The following COG3 variants were observed in gnomAD, a reference collection of about 807,000 sequenced individuals.
The protein encoded by COG3 is conserved oligomeric Golgi complex subunit 3.
COG3 carries 32 observed loss-of-function variants against 114.1 expected under a neutral mutation model. The observed-to-expected ratio is 0.28, with a 90% CI of 0.21 to 0.38. The LOEUF (loss-of-function observed/expected upper bound fraction) is 0.38. Among genes scored for constraint, COG3 ranks in the 10% least tolerant of loss-of-function variants. COG3 has a pLI of 1.00. For synonymous variants in COG3, 352 were observed against 365.7 expected (o/e 0.96, Z 0.43); for missense variants, 813 against 973.2 (o/e 0.84, Z 2.19).
chr13:45,468,928 T>A (rs1043615450), intron 1 of COG3, among the ~76,000 whole-genome samples: 6 of 152,226 alleles, frequency 3.9e-5, no homozygotes, highest in African/African-American at 1.4e-4. Context: ...TTTTGACTTG[T>A]CATTCTATAC....
At chr13:45,532,202 G>A (rs536441478) in intron 22 of COG3, 42 of 152,114 alleles carry the variant, frequency 2.8e-4, no homozygotes, top group African/African-American at 9.4e-4. Flanking sequence ...TTTTATGGCT[G>A]TATATATTCC....
At position 45,487,695 on chromosome 13, in the gene COG3, C is replaced by T. The variant is rs145632389; in HGVS notation, c.924+1120C>T. On this transcript the variant is annotated intron_variant, in intron 8 of 22. Coordinates refer to ENST00000349995, the MANE Select transcript of COG3 (RefSeq NM_031431.4). The stretch of plus-strand genomic sequence containing the variant: ...TCAAAACCACAGTGAGATGTCATCT[C>T]ACCCCAGTTAGAATGGCTGTTATCA... Among the ~76,000 whole-genome samples the T allele has an allele frequency of 8.9e-3, 1,359 of 152,312 alleles. 23 individuals carry two copies. Among genetic ancestry groups the T allele is most frequent in the African/African-American group, 0.031 (1,284 of 41,566 alleles).
At chr13:45,514,127 C>T (rs1871267466) in intron 16 of COG3, among the ~76,000 whole-genome samples, 1 of 143,976 alleles carries the variant, frequency 6.9e-6, no homozygotes, top group South Asian at 2.2e-4. Context: ...AGTTCATAGG[C>T]TTATGTCCTC....
intron 2 of COG3, among the ~76,000 whole-genome samples, chr13:45,478,672 A>G (rs989837845): frequency 4.0e-5 from 6 of 151,782 alleles, no homozygotes; most frequent in Non-Finnish European, 7.4e-5. Flanking sequence ...TATTTTTAGT[A>G]GAGACGGGGT....
At chr13:45,511,917 C>T in intron 16 of COG3, 63 bp downstream of exon 16, 1 of 1,256,662 alleles carries the variant, frequency 8.0e-7, no homozygotes, top group Non-Finnish European at 1.2e-6. Flanking sequence ...ATAGCATTTA[C>T]TTATAGGCAC....
intron 7 of COG3, among the ~76,000 whole-genome samples, chr13:45,486,085 G>T (rs1317519966): frequency 7.8e-6 from 1 of 127,752 alleles, no homozygotes; most frequent in Non-Finnish European, 1.6e-5. Flanking sequence ...CGAGGTTGGC[G>T]GATCACTCGC....
chr13:45,507,294 T>G (rs1377036551), intron 14 of COG3, among the ~76,000 whole-genome samples: 1 of 152,262 alleles, frequency 6.6e-6, no homozygotes, highest in Non-Finnish European at 1.5e-5. Flanking sequence ...TTCTTTGATG[T>G]AATTTGTTTA....
intron 1 of COG3, among the ~76,000 whole-genome samples, chr13:45,466,265 C>T (rs551107322): frequency 6.6e-6 from 1 of 152,282 alleles, no homozygotes; most frequent in Admixed American, 6.5e-5. Flanking sequence ...TCTCGAACTC[C>T]TGACCTCAAG....
At chr13:45,492,994 A>G (rs1015544197) in intron 11 of COG3, among the ~76,000 whole-genome samples, 1 of 152,198 alleles carries the variant, frequency 6.6e-6, no homozygotes, top group African/African-American at 2.4e-5. Flanking sequence ...ATTGATAGTG[A>G]AGTAGAATAT....
intron 13 of COG3, among the ~76,000 whole-genome samples, chr13:45,498,300 A>G (rs942202373): frequency 1.3e-5 from 2 of 151,296 alleles, no homozygotes; most frequent in African/African-American, 4.8e-5. Context: ...CATTAATTCA[A>G]TAATATTATT....
chr13:45,486,604 G>C, intron 8 of COG3, 29 bp downstream of exon 8: 1 of 1,372,598 alleles, frequency 7.3e-7, no homozygotes, highest in Non-Finnish European at 1.0e-6. Context: ...CTAGGACATT[G>C]CTATGAAATT....
intron 1 of COG3, among the ~76,000 whole-genome samples, chr13:45,468,181 T>C (rs1885263318): frequency 1.3e-5 from 2 of 152,244 alleles, no homozygotes; most frequent in South Asian, 4.1e-4. Flanking sequence ...GTTACAGCTG[T>C]TGTTTTCTTG....
At chr13:45,494,358 AATT>A (rs1868480703) in intron 12 of COG3, among the ~76,000 whole-genome samples, 1 of 151,484 alleles carries the variant, frequency 6.6e-6, no homozygotes. Flanking sequence ...CCTTTCAAGT[AATT>A]ATTCTACTCA....
At chr13:45,498,262 G>A (rs1415358752) in intron 13 of COG3, among the ~76,000 whole-genome samples, 3 of 150,176 alleles carry the variant, frequency 2.0e-5, no homozygotes, top group Admixed American at 1.3e-4. Context: ...TATAACCACA[G>A]TATCATTTTT....
chr13:45,521,897 G>A (rs1872194717), intron 19 of COG3, among the ~76,000 whole-genome samples: 1 of 150,848 alleles, frequency 6.6e-6, no homozygotes, highest in Admixed American at 6.6e-5. Flanking sequence ...CTGCCTCCCG[G>A]GTCCAAGCAA....
At chr13:45,513,191 A>G (rs894491828) in intron 16 of COG3, among the ~76,000 whole-genome samples, 7 of 111,196 alleles carry the variant, frequency 6.3e-5, no homozygotes, top group African/African-American at 2.0e-4. Flanking sequence ...TTTTATATAT[A>G]TATATATAAT....
chr13:45,493,395 A>C lies in COG3; in HGVS notation c.1236A>C (p.Pro412=), dbSNP rs1028356325. ...TGTCATTGTATGATGTCTTCAGGCC[A>C]TTGATCATTCATGTTATTCACTTAG... ...LCVSLYDVFR[P]LIIHVIHLET... Residue 412 remains proline (P), a synonymous_variant, in exon 12 of 23, where the codon CCA becomes CCC. Transcript: ENST00000349995. The C allele has an allele frequency of 1.1e-5, 17 of 1,613,404 alleles. No individual in the cohort carries two copies. The highest frequency in any genetic ancestry group is 1.4e-5 in the Non-Finnish European group (17 of 1,179,614).
chr13:45,533,255 A>G (rs1471469231), intron 22 of COG3, among the ~76,000 whole-genome samples: 1 of 151,986 alleles, frequency 6.6e-6, no homozygotes, highest in East Asian at 1.9e-4. Context: ...ACTTGCATGA[A>G]TGTAGATGTG....
At chr13:45,503,651 G>C (rs1869796233) in intron 14 of COG3, among the ~76,000 whole-genome samples, 1 of 152,164 alleles carries the variant, frequency 6.6e-6, no homozygotes, top group Non-Finnish European at 1.5e-5. Flanking sequence ...TGTTTATGAA[G>C]AGTATGAGAG....
Sources: gnomAD v4.1 joint callset for allele counts (sites outside exome capture counted in the v4.1 genomes callset) on GRCh38, gnomAD v4.1.1 for gene constraint, MANE v1.5 for transcripts, NCBI Gene and HGNC (gene_info 2026-07-23, HGNC 2026-07-21) for gene names.